TRIM44: variants seen among roughly 807,000 people sequenced by gnomAD.
TRIM44 encodes tripartite motif containing 44.
A neutral mutation model predicts 37.4 loss-of-function variants in TRIM44; 13 were observed. The observed-to-expected ratio is 0.35, with a 90% confidence interval of 0.23 to 0.55. The LOEUF (loss-of-function observed/expected upper bound fraction) is 0.55, where lower values mean the gene tolerates loss of function less well. Ranked by LOEUF, TRIM44 falls within the 20% of genes least tolerant of loss-of-function variation. The probability of loss-of-function intolerance (pLI) is 0.89; values close to 1 mark genes in which losing one functional copy is unlikely to be tolerated. For synonymous variants in TRIM44, 175 were observed against 157.2 expected (o/e 1.11, Z -0.85); for missense variants, 426 against 437.2 (o/e 0.97, Z 0.23).
intron 2 of TRIM44, among the ~76,000 whole-genome samples, chr11:35,718,201 A>G (rs1483647789): frequency 6.6e-6 from 1 of 152,188 alleles, no homozygotes; most frequent in Non-Finnish European, 1.5e-5. Flanking sequence ...AAGGTATTAA[A>G]TGGGAAGGCA....
rs564762496 is a variant in TRIM44 at position 35,677,148 on chromosome 11, A to T, written c.670-8111A>T. Among the ~76,000 whole-genome samples the T allele has an allele frequency of 1.1e-4, 17 of 152,306 alleles. No individual in the cohort carries two copies. The East Asian group carries it at 3.3e-3, about 29-fold the overall frequency. The stretch of plus-strand genomic sequence containing the variant: ...ACTCAAAAGAGGTTAAGTTTTGCTG[A>T]CAGTTACTTAGCTAGCAAGCGTAAG... On this transcript the variant is annotated intron_variant, in intron 1 of 4. Coordinates refer to ENST00000299413, the MANE Select transcript of TRIM44 (RefSeq NM_017583.6).
chr11:35,683,216 T>G (rs538034070), intron 1 of TRIM44, among the ~76,000 whole-genome samples: 2 of 152,142 alleles, frequency 1.3e-5, no homozygotes, highest in African/African-American at 4.8e-5. Context: ...ACCACAGAGA[T>G]TAAAGACTAA....
intron 1 of TRIM44, among the ~76,000 whole-genome samples, chr11:35,671,183 GA>G (rs1335285430): frequency 2.0e-5 from 3 of 152,168 alleles, no homozygotes; most frequent in Non-Finnish European, 4.4e-5. Context: ...CATTCTGTTG[GA>G]AGGAAGTAGA....
intron 4 of TRIM44, among the ~76,000 whole-genome samples, chr11:35,758,934 T>C (rs1185833988): frequency 1.3e-5 from 2 of 152,172 alleles, no homozygotes; most frequent in African/African-American, 4.8e-5. Context: ...CCCTTAACGT[T>C]TTTTCCTTCA....
chr11:35,695,237 C>T (rs191240634), intron 2 of TRIM44, among the ~76,000 whole-genome samples: 117 of 152,246 alleles, frequency 7.7e-4, no homozygotes, highest in African/African-American at 2.6e-3. Flanking sequence ...TGCCCATCCT[C>T]GTTCTCCATG....
chr11:35,754,615 A>T (rs1397524394), intron 4 of TRIM44, among the ~76,000 whole-genome samples: 1 of 151,566 alleles, frequency 6.6e-6, no homozygotes. Context: ...GTAACTCATC[A>T]TTTAACATTA....
At chr11:35,763,897 G>A (rs974465080) in intron 4 of TRIM44, among the ~76,000 whole-genome samples, 1 of 152,148 alleles carries the variant, frequency 6.6e-6, no homozygotes, top group Admixed American at 6.5e-5. Flanking sequence ...GCAGCCTTGT[G>A]TACAACGCCT....
At chr11:35,667,102 A>G (rs745820484) in intron 1 of TRIM44, among the ~76,000 whole-genome samples, 11 of 152,166 alleles carry the variant, frequency 7.2e-5, no homozygotes, top group Non-Finnish European at 1.6e-4. Context: ...GATATGTTCT[A>G]TGGTTTTTGA....
chr11:35,749,032 A>G (rs1852529652), intron 4 of TRIM44, among the ~76,000 whole-genome samples: 2 of 152,126 alleles, frequency 1.3e-5, no homozygotes, highest in Admixed American at 6.5e-5. Flanking sequence ...TGGTGTGTGT[A>G]TGTGTATGTT....
At chr11:35,707,608 G>A (rs1262807367) in intron 2 of TRIM44, among the ~76,000 whole-genome samples, 4 of 147,420 alleles carry the variant, frequency 2.7e-5, no homozygotes, top group African/African-American at 4.9e-5. Context: ...AAATAACGCC[G>A]CATATCTACA....
intron 4 of TRIM44, among the ~76,000 whole-genome samples, chr11:35,759,393 C>T (rs756291987): frequency 1.3e-5 from 2 of 152,114 alleles, no homozygotes; most frequent in Non-Finnish European, 2.9e-5. Context: ...TTCTAGTTAG[C>T]CATTCGTCTA....
intron 2 of TRIM44, among the ~76,000 whole-genome samples, chr11:35,706,359 C>T (rs1395126266): frequency 2.0e-5 from 3 of 152,166 alleles, no homozygotes; most frequent in African/African-American, 7.2e-5. Context: ...ACCGTTCCTT[C>T]TGAAACTATT....
intron 4 of TRIM44, among the ~76,000 whole-genome samples, chr11:35,752,319 A>G (rs930802282): frequency 2.6e-5 from 4 of 151,272 alleles, no homozygotes; most frequent in African/African-American, 7.3e-5. Context: ...GGCCACTCTT[A>G]CTCATTCTTC....
intron 1 of TRIM44, among the ~76,000 whole-genome samples, chr11:35,676,830 A>G (rs1223024810): frequency 6.6e-6 from 1 of 152,000 alleles, no homozygotes; most frequent in Non-Finnish European, 1.5e-5. Context: ...TGAAAATGCT[A>G]ATCTTTGGCC....
intron 4 of TRIM44, among the ~76,000 whole-genome samples, chr11:35,757,981 T>C (rs893154551): frequency 1.2e-4 from 18 of 152,168 alleles, no homozygotes; most frequent in Non-Finnish European, 2.4e-4. Flanking sequence ...TTCTGTTGAT[T>C]TGGGGTGGAG....
intron 2 of TRIM44, among the ~76,000 whole-genome samples, chr11:35,701,334 A>T (rs975957766): frequency 1.3e-5 from 2 of 152,172 alleles, no homozygotes; most frequent in African/African-American, 4.8e-5. Context: ...TAGAGCTTGA[A>T]TATCTGCTTG....
intron 2 of TRIM44, among the ~76,000 whole-genome samples, chr11:35,713,678 A>G (rs1852005990): frequency 6.6e-6 from 1 of 152,132 alleles, no homozygotes; most frequent in Admixed American, 6.5e-5. Context: ...TTGGGGACTT[A>G]AATGTATGTT....
In TRIM44 at chr11:35,725,948, T is replaced by C. The variant is rs756045962; in HGVS notation, c.772T>C (p.Phe258Leu). ...GGTAACTCGGGACCAAATGAAGATG[T>C]TTATACAGCAGGAATTTAAGAAAGT... The part of the protein sequence containing the change: ...PKVTRDQMKM[F>L]IQQEFKKVQK... The change falls in exon 3 of 5, where the codon TTT (phenylalanine) becomes CTT (leucine). Residue 258 changes from phenylalanine (F) to leucine (L), a missense_variant. Phe to Leu is a conservative substitution (Grantham distance 22). This residue lies in a region of TRIM44 where 95 missense variants were observed against 134.2 expected (regional missense o/e 0.71). Transcript: ENST00000299413. The C allele has an allele frequency of 6.2e-6, 10 of 1,613,964 alleles. No individual in the cohort carries two copies. Among genetic ancestry groups the C allele is most frequent in the Non-Finnish European group, 8.5e-6 (10 of 1,179,988 alleles).
At chr11:35,794,406 A>G (rs535395631) in intron 4 of TRIM44, among the ~76,000 whole-genome samples, 76 of 152,346 alleles carry the variant, frequency 5.0e-4, no homozygotes, top group Middle Eastern at 3.4e-3. Context: ...AGATGAGAAC[A>G]TTTCTTCATG....
Sources: gnomAD v4.1 joint callset for allele counts (sites outside exome capture counted in the v4.1 genomes callset) on GRCh38, gnomAD v4.1.1 for gene constraint, gnomAD v4.1.1 regional missense constraint, MANE v1.5 for transcripts, NCBI Gene and HGNC (gene_info 2026-07-23, HGNC 2026-07-21) for gene names.